BAIAP2L2: variants seen among roughly 807,000 people sequenced by gnomAD.
BAIAP2L2 encodes BAR/IMD domain containing adaptor protein 2 like 2, also known as BAR/IMD domain-containing adapter protein 2-like 2.
BAIAP2L2 carries 65 observed loss-of-function variants against 60.4 expected under a neutral mutation model. The observed-to-expected ratio is 1.08, with a 90% CI of 0.88 to 1.32. The LOEUF (loss-of-function observed/expected upper bound fraction) is 1.32, where lower values mean the gene tolerates loss of function less well. Among genes scored for constraint, BAIAP2L2 ranks in the 40% most tolerant of loss-of-function variants. BAIAP2L2 has a pLI of 0.00. For missense variants in BAIAP2L2, 836 were observed against 741.2 expected (o/e 1.13, Z -1.48); for synonymous variants, 344 against 301.7 (o/e 1.14, Z -1.45).
intron 7 of BAIAP2L2, among the ~76,000 whole-genome samples, chr22:38,092,300 C>T (rs184781617): frequency 7.2e-5 from 11 of 152,094 alleles, no homozygotes; most frequent in Admixed American, 2.6e-4. Context: ...AGAGAGAGAG[C>T]GAGCCTTGCT....
At chr22:38,091,186 T>A (rs1276987600) in intron 7 of BAIAP2L2, 2 of 152,252 alleles carry the variant, frequency 1.3e-5, no homozygotes, top group African/African-American at 4.8e-5. Context: ...GCTTCCCAAG[T>A]AACTGGGACT....
At chr22:38,108,365 T>C (rs5750540) in intron 2 of BAIAP2L2, 24 bp from the exon 3 acceptor site, 1,195,967 of 1,594,004 alleles carry the variant, frequency 0.75, 451,418 homozygotes, top group African/African-American at 0.93. Flanking sequence ...GGGACAGGTC[T>C]GGTCCAGCCC....
chr22:38,088,696 C>G, intron 10 of BAIAP2L2, 52 bp downstream of exon 10: 1 of 1,524,346 alleles, frequency 6.6e-7, no homozygotes, highest in Non-Finnish European at 8.8e-7. Flanking sequence ...GTTCCCGGCC[C>G]CCAGGGCCTT....
chr22:38,100,526 C>CAATAAATA (rs56224721), intron 4 of BAIAP2L2, among the ~76,000 whole-genome samples: 4 of 139,946 alleles, frequency 2.9e-5, no homozygotes, highest in Non-Finnish European at 4.6e-5. Context: ...AACTCCGTCT[C>CAATAAATA]AATAAATAAA....
Position 38,089,635 on chromosome 22 carries a change from C to G in BAIAP2L2, c.652G>C (p.Glu218Gln), listed in dbSNP as rs944379146. The G allele has an allele frequency of 7.3e-6, 9 of 1,231,854 alleles. No homozygotes were observed. The African/African-American group carries it at 1.4e-4, about 19-fold the overall frequency. 76.3% of individuals were successfully genotyped at this position (1,231,854 alleles called of 1,614,324 possible). The change falls in exon 8 of 14, where the codon GAG becomes CAG. Residue 218 changes from glutamate (E) to glutamine (Q), a missense_variant. By Grantham distance (29) the Glu-to-Gln change is conservative (BLOSUM62 2). Transcript: ENST00000381669. ...GGGCTGCGGCTGGCCTCAGACTGCT[C>G]CTTCCACAGCAGCACGCGGTTCTGG... ...MLQNRVLLWK[E>Q]QSEASRSPSR... is the part of the protein sequence containing the mutation.
chr22:38,094,318 T>C (rs1004958230), intron 7 of BAIAP2L2, among the ~76,000 whole-genome samples: 1 of 152,160 alleles, frequency 6.6e-6, no homozygotes, highest in Non-Finnish European at 1.5e-5. Context: ...CCTGTGTAGC[T>C]GGGATTACAG....
At position 38,089,245 on chromosome 22, in the gene BAIAP2L2, G is replaced by A; in HGVS notation, c.766-14C>T. On this transcript the variant is annotated splice_polypyrimidine_tract_variant and intron_variant, in intron 8 of 13. Transcript: ENST00000381669. The stretch of plus-strand genomic sequence containing the variant: ...GGGCCTCGGGGGCTGCGGGGGAGAT[G>A]GGCAGGGGAGGGTGGGGCGGGGGGG... 5.9e-6 allele frequency: 2 copies of A among 337,062 alleles called. No homozygotes were observed. Among genetic ancestry groups the A allele is most frequent in the Non-Finnish European group, 4.9e-6 (1 of 205,468 alleles). 20.9% of individuals were successfully genotyped at this position (337,062 alleles called of 1,614,324 possible).
chr22:38,091,924 G>A (rs1292216602), intron 7 of BAIAP2L2, among the ~76,000 whole-genome samples: 1 of 152,010 alleles, frequency 6.6e-6, no homozygotes, highest in Non-Finnish European at 1.5e-5. Context: ...CAAGTATGAG[G>A]TAAAGCCACA....
chr22:38,109,341 G>C (rs749959234), intron 1 of BAIAP2L2, 133 bp from the exon 2 acceptor site: 26 of 688,038 alleles, frequency 3.8e-5, no homozygotes, highest in Admixed American at 2.2e-4. Flanking sequence ...ACTTTGGGGG[G>C]CCCATCTACA....
intron 4 of BAIAP2L2, among the ~76,000 whole-genome samples, chr22:38,101,546 C>CAAAAAAAA (rs71195082): frequency 3.2e-5 from 1 of 30,920 alleles, no homozygotes; most frequent in African/African-American, 1.6e-4. Flanking sequence ...GATCCTGTCT[C>CAAAAAAAA]AAAAAAAAAA....
At chr22:38,106,097 C>G (rs917348255) in intron 4 of BAIAP2L2, among the ~76,000 whole-genome samples, 11 of 152,332 alleles carry the variant, frequency 7.2e-5, no homozygotes, top group Admixed American at 7.2e-4. Flanking sequence ...GGCTCCATAA[C>G]TCCGTGCCCA....
At chr22:38,096,885 G>A (rs1167985118) in intron 7 of BAIAP2L2, 147 bp downstream of exon 7, 4 of 926,146 alleles carry the variant, frequency 4.3e-6, no homozygotes, top group Non-Finnish European at 6.4e-6. Context: ...GGAAGAAATG[G>A]ATGGAGATAG....
chr22:38,086,145 G>T, intron 12 of BAIAP2L2, 97 bp downstream of exon 12: 1 of 1,354,092 alleles, frequency 7.4e-7, no homozygotes, highest in South Asian at 1.2e-5. Context: ...AGGTAGGCGG[G>T]TCCCCTGCCA....
intron 7 of BAIAP2L2, among the ~76,000 whole-genome samples, chr22:38,096,511 C>T (rs1338098648): frequency 6.6e-6 from 1 of 152,088 alleles, no homozygotes; most frequent in African/African-American, 2.4e-5. Context: ...AAAAATTAGC[C>T]GGGCGTGATA....
rs182118899 is a variant in BAIAP2L2, at chr22:38,085,159, G to C, written c.*141C>G. 5 of 800,390 alleles carry C rather than the reference G, an allele frequency of 6.2e-6. No individual in the cohort carries two copies. The highest frequency in any genetic ancestry group is 8.0e-6 in the Non-Finnish European group (4 of 500,334). The allele number at this position is 800,390 out of a possible 1,614,324, so 49.6% of individuals were successfully genotyped here. A position where few individuals can be genotyped will look rare whatever the true frequency, so the allele number is the denominator to read the frequency against. On this transcript the variant is annotated 3_prime_UTR_variant, in exon 14 of 14. Transcript: ENST00000381669. ...GTGCTTTGGAGCTGCTCAGGCTGCC[G>C]GGGTGGTCTGGGGAGGGCAGCCACC...
chr22:38,098,288 G>T (rs2086490367), intron 5 of BAIAP2L2, 109 bp from the exon 6 acceptor site: 1 of 1,461,920 alleles, frequency 6.8e-7, no homozygotes, highest in African/African-American at 1.4e-5. Context: ...GGCTCAGCTG[G>T]GAACATGGAT....
Position 38,088,829 on chromosome 22 carries a change from AAG to A in BAIAP2L2, c.1035_1036del (p.Phe346LeufsTer86). On this transcript the variant is annotated frameshift_variant, in exon 10 of 14. Coordinates refer to ENST00000381669, the MANE Select transcript of BAIAP2L2 (RefSeq NM_025045.6). LOFTEE classifies it high-confidence loss of function. ...CACCTCCACCACGTCCCCAGCGGAGAAGCGCAGCAGCGTGTGGTTGGCGCCCT... is the reference window on the plus strand; with the variant it reads ...CACCTCCACCACGTCCCCAGCGGAGACGCAGCAGCGTGTGGTTGGCGCCCT... 6.2e-7 allele frequency: 1 copy of A among 1,600,252 alleles called. No individual in the cohort carries two copies. The highest frequency in any genetic ancestry group is 8.5e-7 in the Non-Finnish European group (1 of 1,179,580).
chr22:38,089,327 G>A (rs562929842), intron 8 of BAIAP2L2, 96 bp from the exon 9 acceptor site: 1 of 579,052 alleles, frequency 1.7e-6, no homozygotes, highest in Non-Finnish European at 2.5e-6. Flanking sequence ...AGGCGTCGGC[G>A]TAGGGGTTCT....
intron 8 of BAIAP2L2, 21 bp downstream of exon 8, chr22:38,089,501 C>T: frequency 3.4e-6 from 4 of 1,191,522 alleles, no homozygotes; most frequent in Non-Finnish European, 4.2e-6. Context: ...CGAACGGCGG[C>T]GGGGGCGCCC....
Sources: allele counts gnomAD v4.1 joint callset (sites outside exome capture counted in the v4.1 genomes callset), GRCh38; gene constraint gnomAD v4.1.1; transcripts MANE v1.5; gene names NCBI Gene and HGNC (gene_info 2026-07-23, HGNC 2026-07-21).